Variants in ATG16L2 observed in about 807,000 individuals in gnomAD.
The protein encoded by ATG16L2 is autophagy related 16 like 2, also known as protein Atg16l2.
In ATG16L2, 77 loss-of-function variants were observed where a neutral mutation model predicts 84.7. That is an observed-to-expected ratio of 0.91 (90% CI 0.76 to 1.10). The LOEUF is 1.10. ATG16L2 is among the 50% of genes least tolerant of loss of function. ATG16L2 has a pLI of 0.00. For synonymous variants in ATG16L2, 361 were observed against 342.8 expected, an observed-to-expected ratio of 1.05 and a Z score of -0.59; for missense variants, 782 against 817.6, an observed-to-expected ratio of 0.96 and a Z score of 0.53.
intron 14 of ATG16L2, 106 bp downstream of exon 14, chr11:72,827,399 G>A: frequency 3.2e-6 from 3 of 925,918 alleles, no homozygotes; most frequent in South Asian, 2.9e-5. Context: ...GTGGCACTTT[G>A]GGCAGGCAAG....
chr11:72,843,636 G>A (rs760002732), exon 6 of ATG16L2: 14 of 756,060 alleles, frequency 1.9e-5, no homozygotes, highest in Non-Finnish European at 2.7e-5. Context: ...AAATGATTTT[G>A]AGAAACATGT....
chr11:72,826,989 G>A (rs1008711664), intron 13 of ATG16L2, 166 bp downstream of exon 13: 13 of 934,732 alleles, frequency 1.4e-5, no homozygotes, highest in Non-Finnish European at 1.9e-5. Context: ...CCCCAGTGGT[G>A]TTTTCTGTCT....
chr11:72,828,859 C>G, intron 16 of ATG16L2, 24 bp from the exon 17 acceptor site: 2 of 1,614,154 alleles, frequency 1.2e-6, no homozygotes, highest in Non-Finnish European at 1.7e-6. Flanking sequence ...CCCCCGTTTT[C>G]TTGCTCTGCT....
At chr11:72,819,407 TAAA>T (rs552680328) in intron 3 of ATG16L2, among the ~76,000 whole-genome samples, 15 of 150,934 alleles carry the variant, frequency 9.9e-5, no homozygotes, top group African/African-American at 3.6e-4. Flanking sequence ...ATATTTTAAT[TAAA>T]AAAAAAGAAA....
intron 3 of ATG16L2, 100 bp from the exon 4 acceptor site, chr11:72,821,568 C>A (rs1308781284): frequency 3.4e-6 from 5 of 1,488,732 alleles, no homozygotes; most frequent in Non-Finnish European, 2.7e-6. Context: ...AGGAAGGGGG[C>A]GGGCAGGTGA....
exon 6 of ATG16L2, chr11:72,843,037 A>G (rs1861011436): frequency 1.9e-6 from 2 of 1,057,784 alleles, no homozygotes; most frequent in Non-Finnish European, 1.4e-6. Flanking sequence ...AAAGAAAAGC[A>G]TATTATAGGA....
chr11:72,836,369 C>T (rs1444967245), intron 5 of ATG16L2, among the ~76,000 whole-genome samples: 4 of 152,224 alleles, frequency 2.6e-5, no homozygotes, highest in Admixed American at 6.5e-5. Flanking sequence ...TGGTCACATC[C>T]GGCAAGGGGA....
intron 5 of ATG16L2, among the ~76,000 whole-genome samples, chr11:72,836,402 C>T (rs1445965319): frequency 6.6e-6 from 1 of 152,250 alleles, no homozygotes. Context: ...TCCTCTCACC[C>T]CTCCAGCAGC....
chr11:72,837,815 C>T (rs1860779195), intron 5 of ATG16L2: 1 of 152,220 alleles, frequency 6.6e-6, no homozygotes, highest in African/African-American at 2.4e-5. Flanking sequence ...TGGTCTGGAC[C>T]AGCCACAGCC....
Position 72,842,811 on chromosome 11 carries a change from T to A in ATG16L2, c.*216T>A, listed in dbSNP as rs774000414. The A allele has an allele frequency of 8.1e-6, 13 of 1,613,788 alleles. No homozygotes were observed. The East Asian group carries it at 2.9e-4, about 36-fold the overall frequency. On this transcript the variant is annotated 3_prime_UTR_variant, in exon 6 of 6. Coordinates refer to the ATG16L2 transcript ENST00000534905. ...AGATAACTCATCATCTGTCTGGCCC[T>A]CATAATCATAAAGTGCTTTCACAAA... is the stretch of plus-strand genomic sequence containing the variant.
Position 72,827,308 on chromosome 11 carries a change from C to G in ATG16L2, c.1472+15C>G, listed in dbSNP as rs754143741. ...TGGGACAGCAGGTGACAGGCGCAGG[C>G]TGGGGGAGGACTTGGGGAGGGCTGG... On this transcript the variant is annotated intron_variant, in intron 14 of 17. Coordinates refer to ENST00000321297, the MANE Select transcript of ATG16L2 (RefSeq NM_033388.2). The G allele has an allele frequency of 1.9e-6, 3 of 1,602,486 alleles. No individual in the cohort carries two copies. The highest frequency in any genetic ancestry group is 2.2e-5 in the East Asian group (1 of 44,816).
chr11:72,838,981 G>T, intron 5 of ATG16L2: 1 of 921,890 alleles, frequency 1.1e-6, no homozygotes, highest in Non-Finnish European at 1.7e-6. Flanking sequence ...GCACCCTAGG[G>T]GTCTCAGAAA....
exon 6 of ATG16L2, chr11:72,843,503 C>A (rs1350099454): frequency 6.2e-7 from 1 of 1,613,802 alleles, no homozygotes; most frequent in Non-Finnish European, 8.5e-7. Flanking sequence ...CCTCATGTTC[C>A]TCAATGGTCA....
intron 3 of ATG16L2, among the ~76,000 whole-genome samples, chr11:72,819,777 A>C (rs1859878046): frequency 6.7e-6 from 1 of 149,836 alleles, no homozygotes. Flanking sequence ...ACGGAGTCTC[A>C]CTCTGTTGCC....
chr11:72,830,547 G>A (rs1860583810), downstream of ATG16L2, among the ~76,000 whole-genome samples: 2 of 152,128 alleles, frequency 1.3e-5, no homozygotes, highest in South Asian at 4.1e-4. Context: ...TCAAACTCCT[G>A]CAGCCTTAAA....
At chr11:72,827,012 A>T (rs1860402590) in intron 13 of ATG16L2, 176 bp from the exon 14 acceptor site, 1 of 867,792 alleles carries the variant, frequency 1.2e-6, no homozygotes, top group Non-Finnish European at 1.7e-6. Context: ...TTTCTTGGTG[A>T]CCTCAGGCTG....
chr11:72,837,982 G>A (rs1860785852), intron 5 of ATG16L2: 1 of 152,186 alleles, frequency 6.6e-6, no homozygotes, highest in African/African-American at 2.4e-5. Flanking sequence ...AAATTAAGAT[G>A]AAAAATACCC....
Position 72,828,784 on chromosome 11 carries a change from C to T in ATG16L2, c.1670+8C>T, listed in dbSNP as rs73547762. On this transcript the variant is annotated splice_region_variant and intron_variant, in intron 16 of 17. Coordinates refer to ENST00000321297, the MANE Select transcript of ATG16L2 (RefSeq NM_033388.2). ...GACCAAAGCTGTGTTCAGGTATGTC[C>T]GTGAGAGCATATGCCTGTGTCCAAG... The T allele has an allele frequency of 1.5e-3, 2,486 of 1,614,132 alleles. 30 individuals carry two copies. In the African/African-American group the frequency reaches 0.031, roughly 20 times the overall value.
chr11:72,826,741 C>T lies in ATG16L2; in HGVS notation c.1284C>T (p.Ala428=). Residue 428 remains alanine (A), a synonymous_variant, in exon 13 of 18, where the codon GCC becomes GCT. Transcript: ENST00000321297. ...GACACAAGGATAAGGTGACAGCTGC[C>T]AAATTCAAGCTAACGAGGCACCAGG... ...LSGHKDKVTA[A]KFKLTRHQAV... The T allele has an allele frequency of 6.2e-7, 1 of 1,614,092 alleles. No homozygotes were observed.
Sources: gnomAD v4.1 joint callset for allele counts (sites outside exome capture counted in the v4.1 genomes callset) on GRCh38, gnomAD v4.1.1 for gene constraint, MANE v1.5 for transcripts, NCBI Gene and HGNC (gene_info 2026-07-23, HGNC 2026-07-21) for gene names.